EFCAB5: variants seen among roughly 807,000 people sequenced by gnomAD.
The protein encoded by EFCAB5 is EF-hand calcium-binding domain-containing protein 5.
EFCAB5 carries 131 observed loss-of-function variants against 167.9 expected under a neutral mutation model. The observed-to-expected ratio is 0.78, with a 90% CI of 0.68 to 0.90. The LOEUF (loss-of-function observed/expected upper bound fraction) is 0.90, where lower values mean the gene tolerates loss of function less well. Ranked by LOEUF, EFCAB5 falls within the 40% of genes least tolerant of loss-of-function variation. EFCAB5 has a pLI of 0.00. For synonymous variants in EFCAB5, 574 were observed against 602.8 expected, an observed-to-expected ratio of 0.95 and a Z score of 0.70; for missense variants, 1,663 against 1,745.2, an observed-to-expected ratio of 0.95 and a Z score of 0.84.
chr17:29,956,571 A>G (rs551033307), intron 3 of EFCAB5, among the ~76,000 whole-genome samples: 1 of 152,342 alleles, frequency 6.6e-6, no homozygotes, highest in Non-Finnish European at 1.5e-5. Flanking sequence ...CTTTTTACAC[A>G]TCAAGTTTGG....
At chr17:30,014,648 G>T (rs890870974) in intron 7 of EFCAB5, among the ~76,000 whole-genome samples, 4 of 151,912 alleles carry the variant, frequency 2.6e-5, no homozygotes, top group African/African-American at 9.7e-5. Context: ...CTTTCCATTT[G>T]CTTGGTAGAT....
At chr17:30,005,861 G>A (rs1015912151) in intron 7 of EFCAB5, among the ~76,000 whole-genome samples, 1 of 152,198 alleles carries the variant, frequency 6.6e-6, no homozygotes, top group Admixed American at 6.5e-5. Context: ...TAGGCCATCA[G>A]TCTTGCCACA....
At chr17:30,086,892 C>T (rs764344713) in intron 18 of EFCAB5, among the ~76,000 whole-genome samples, 171 bp from the exon 19 acceptor site, 1 of 145,698 alleles carries the variant, frequency 6.9e-6, no homozygotes, top group Non-Finnish European at 1.5e-5. Flanking sequence ...AACTCCATCT[C>T]GAAAAAAAAA....
chr17:30,039,134 C>T (rs749330522), intron 8 of EFCAB5, among the ~76,000 whole-genome samples: 1 of 152,144 alleles, frequency 6.6e-6, no homozygotes, highest in African/African-American at 2.4e-5. Flanking sequence ...TCCGGTAAAC[C>T]AACACCATCC....
chr17:30,036,777 G>A (rs936816701), intron 8 of EFCAB5, among the ~76,000 whole-genome samples: 1 of 152,096 alleles, frequency 6.6e-6, no homozygotes, highest in African/African-American at 2.4e-5. Context: ...TAAAAGCCCA[G>A]ACTTTAAATG....
At chr17:30,042,230 A>G (rs921728955) in intron 8 of EFCAB5, among the ~76,000 whole-genome samples, 4 of 152,124 alleles carry the variant, frequency 2.6e-5, no homozygotes, top group African/African-American at 9.7e-5. Flanking sequence ...GCTGGTCTCG[A>G]ACTCCTGACC....
At chr17:29,930,427 G>A (rs2067173624) in intron 1 of EFCAB5, among the ~76,000 whole-genome samples, 1 of 150,926 alleles carries the variant, frequency 6.6e-6, no homozygotes, top group South Asian at 2.1e-4. Context: ...TGGGGTGGGG[G>A]AAGGGGCCGA....
intron 9 of EFCAB5, among the ~76,000 whole-genome samples, chr17:30,052,459 A>C (rs1399483496): frequency 6.6e-6 from 1 of 152,082 alleles, no homozygotes; most frequent in Non-Finnish European, 1.5e-5. Context: ...GAGCCACCAC[A>C]CCTGGCCAAG....
chr17:29,955,224 G>T (rs1443948057), intron 3 of EFCAB5, among the ~76,000 whole-genome samples: 2 of 152,118 alleles, frequency 1.3e-5, no homozygotes, highest in African/African-American at 4.8e-5. Context: ...CATGAGATTT[G>T]GGAGGGGCCG....
At chr17:30,095,577 A>G (rs2071276761) in intron 22 of EFCAB5, among the ~76,000 whole-genome samples, 1 of 151,974 alleles carries the variant, frequency 6.6e-6, no homozygotes, top group African/African-American at 2.4e-5. Flanking sequence ...GCTCCCTGCA[A>G]CTCCATTACA....
intron 3 of EFCAB5, chr17:29,968,346 T>C (rs1026236531): frequency 6.6e-6 from 3 of 454,530 alleles, no homozygotes; most frequent in African/African-American, 6.0e-5. Flanking sequence ...GGCGTGGGCA[T>C]GTATCCTAGT....
At chr17:30,066,918 G>A (rs987994026) in intron 14 of EFCAB5, among the ~76,000 whole-genome samples, 8 of 152,084 alleles carry the variant, frequency 5.3e-5, no homozygotes, top group Admixed American at 1.3e-4. Flanking sequence ...AGCAGAAATG[G>A]ATAAATTCCT....
intron 3 of EFCAB5, 122 bp from the exon 4 acceptor site, chr17:29,968,669 C>A: frequency 1.3e-6 from 1 of 749,086 alleles, no homozygotes; most frequent in Non-Finnish European, 2.0e-6. Flanking sequence ...TTATTTTCAG[C>A]TGACATTCTT....
At chr17:30,089,664 G>A (rs759925328) in intron 19 of EFCAB5, among the ~76,000 whole-genome samples, 2 of 152,060 alleles carry the variant, frequency 1.3e-5, no homozygotes, top group Admixed American at 6.6e-5. Context: ...GGCTCACACC[G>A]TAACTTTCTC....
intron 7 of EFCAB5, among the ~76,000 whole-genome samples, chr17:30,005,435 TTTC>T (rs2068755025): frequency 6.6e-6 from 1 of 152,248 alleles, no homozygotes; most frequent in African/African-American, 2.4e-5. Context: ...AATTTAAAAA[TTTC>T]TTCTTACGTA....
At chr17:30,085,910 G>T (rs2071081137) in intron 18 of EFCAB5, among the ~76,000 whole-genome samples, 1 of 152,130 alleles carries the variant, frequency 6.6e-6, no homozygotes. Context: ...TTACAAAACA[G>T]CTGTTCCTCT....
At chr17:29,963,625 ATTC>A (rs753783583) in intron 3 of EFCAB5, among the ~76,000 whole-genome samples, 16 of 152,202 alleles carry the variant, frequency 1.1e-4, no homozygotes, top group Non-Finnish European at 2.2e-4. Context: ...GTTCATTTCA[ATTC>A]TTCTTTAAAT....
intron 7 of EFCAB5, among the ~76,000 whole-genome samples, chr17:30,020,371 T>TC (rs1480670429): frequency 7.0e-6 from 1 of 142,412 alleles, no homozygotes; most frequent in Non-Finnish European, 1.6e-5. Flanking sequence ...TTTTTTTTTC[T>TC]TTTTTTTTTT....
At chr17:30,021,127 T>C (rs1286267539) in intron 7 of EFCAB5, among the ~76,000 whole-genome samples, 1 of 148,942 alleles carries the variant, frequency 6.7e-6, no homozygotes, top group African/African-American at 2.6e-5. Flanking sequence ...GTCTACATGA[T>C]AGGAAATAAT....
Sources: gnomAD v4.1 joint callset for allele counts (sites outside exome capture counted in the v4.1 genomes callset) on GRCh38, gnomAD v4.1.1 for gene constraint, MANE v1.5 for transcripts, NCBI Gene and HGNC (gene_info 2026-07-23, HGNC 2026-07-21) for gene names.